Variants in CPNE4 observed in about 807,000 individuals in gnomAD.
The protein encoded by CPNE4 is copine-4.
A neutral mutation model predicts 67.9 loss-of-function variants in CPNE4; 25 were observed. The observed-to-expected ratio is 0.37, with a 90% CI of 0.27 to 0.51. The LOEUF is 0.51. CPNE4 is among the 20% of genes least tolerant of loss of function. The pLI, the probability that CPNE4 is intolerant of heterozygous loss-of-function variation, is 0.93. For missense variants in CPNE4, 464 were observed against 690.8 expected (o/e 0.67, Z 3.68); for synonymous variants, 242 against 244.9 (o/e 0.99, Z 0.11).
chr3:131,744,910 C>T (rs1231403361), intron 2 of CPNE4, among the ~76,000 whole-genome samples: 2 of 152,144 alleles, frequency 1.3e-5, no homozygotes, highest in Non-Finnish European at 2.9e-5. Flanking sequence ...TACAGATTTT[C>T]TTGTGATCAC....
At chr3:131,876,913 T>C (rs2087485229) in intron 2 of CPNE4, among the ~76,000 whole-genome samples, 1 of 152,024 alleles carries the variant, frequency 6.6e-6, no homozygotes, top group African/African-American at 2.4e-5. Context: ...CCAAAACCAT[T>C]CTAGTGCTAT....
chr3:131,584,218 C>A (rs1163400185), intron 8 of CPNE4, among the ~76,000 whole-genome samples: 2 of 152,100 alleles, frequency 1.3e-5, no homozygotes, highest in African/African-American at 4.8e-5. Flanking sequence ...TCCCCTCTCC[C>A]TAGGTGTACT....
intron 1 of CPNE4, among the ~76,000 whole-genome samples, chr3:131,916,636 C>A (rs2089193520): frequency 6.6e-6 from 1 of 152,118 alleles, no homozygotes; most frequent in African/African-American, 2.4e-5. Context: ...GGATAAAGAG[C>A]ACAATCTCTA....
intron 2 of CPNE4, among the ~76,000 whole-genome samples, chr3:131,783,341 C>A (rs956796007): frequency 1.3e-5 from 2 of 152,030 alleles, no homozygotes; most frequent in Non-Finnish European, 2.9e-5. Flanking sequence ...GTCTGAGCTC[C>A]CCTTCTGTGT....
chr3:131,603,372 G>C (rs1400688293), intron 7 of CPNE4, among the ~76,000 whole-genome samples: 1 of 152,118 alleles, frequency 6.6e-6, no homozygotes, highest in Non-Finnish European at 1.5e-5. Context: ...AAAAATTAAA[G>C]TGGGCACCTA....
intron 1 of CPNE4, among the ~76,000 whole-genome samples, chr3:132,012,173 GTT>G (rs10663165): frequency 7.3e-5 from 10 of 136,150 alleles, no homozygotes; most frequent in Non-Finnish European, 1.1e-4. Context: ...TTGCTTTTTC[GTT>G]TTTTTTTTTT....
intron 2 of CPNE4, among the ~76,000 whole-genome samples, chr3:131,893,480 A>T (rs1332366736): frequency 6.6e-6 from 1 of 152,074 alleles, no homozygotes; most frequent in African/African-American, 2.4e-5. Context: ...AATGGACCTA[A>T]CAGACATTTG....
At chr3:131,952,364 C>T (rs1451292283) in intron 1 of CPNE4, among the ~76,000 whole-genome samples, 12 of 148,808 alleles carry the variant, frequency 8.1e-5, no homozygotes, top group East Asian at 2.1e-4. Context: ...CCCCTCCGCC[C>T]GGCAGCCGCC....
intron 2 of CPNE4, among the ~76,000 whole-genome samples, chr3:131,790,115 GC>G (rs1203368035): frequency 6.6e-6 from 1 of 152,058 alleles, no homozygotes; most frequent in Non-Finnish European, 1.5e-5. Context: ...ATTTCAGGCA[GC>G]CTGGCAGTAT....
intron 2 of CPNE4, among the ~76,000 whole-genome samples, chr3:131,835,940 G>T (rs1583294992): frequency 6.6e-6 from 1 of 152,136 alleles, no homozygotes; most frequent in Non-Finnish European, 1.5e-5. Context: ...AGTTGGAGAG[G>T]ATTACTAAGA....
At chr3:131,608,529 A>G (rs188991446) in intron 7 of CPNE4, among the ~76,000 whole-genome samples, 1 of 152,266 alleles carries the variant, frequency 6.6e-6, no homozygotes, top group Non-Finnish European at 1.5e-5. Flanking sequence ...GAGAACCCAC[A>G]GTGTGCCTGG....
chr3:131,743,065 G>A (rs2107782283), intron 2 of CPNE4, among the ~76,000 whole-genome samples: 1 of 152,226 alleles, frequency 6.6e-6, no homozygotes, highest in East Asian at 1.9e-4. Context: ...AAATTTAGGA[G>A]GTGGTTCTTT....
At chr3:131,822,860 T>C (rs1358570490) in intron 2 of CPNE4, among the ~76,000 whole-genome samples, 4 of 152,294 alleles carry the variant, frequency 2.6e-5, no homozygotes, top group Admixed American at 6.5e-5. Context: ...ATTTTCTAGA[T>C]GGAATCTTGC....
chr3:132,005,314 C>CATATATAT (rs767282824), intron 1 of CPNE4, among the ~76,000 whole-genome samples: 60 of 81,674 alleles, frequency 7.3e-4, no homozygotes, highest in African/African-American at 2.3e-3. Flanking sequence ...GCCATTTTTA[C>CATATATAT]ATATATATAT....
chr3:131,784,394 C>T (rs1424696630), intron 2 of CPNE4, among the ~76,000 whole-genome samples: 1 of 152,058 alleles, frequency 6.6e-6, no homozygotes, highest in African/African-American at 2.4e-5. Context: ...CCCCAACCCA[C>T]CTCTGATTTC....
chr3:131,606,101 A>G (rs1201756562), intron 7 of CPNE4, among the ~76,000 whole-genome samples: 1 of 152,170 alleles, frequency 6.6e-6, no homozygotes, highest in Admixed American at 6.5e-5. Flanking sequence ...CTGAGGAGGA[A>G]AAGGCGCTTG....
intron 5 of CPNE4, 45 bp from the exon 6 acceptor site, chr3:131,686,003 G>C: frequency 3.8e-6 from 4 of 1,041,036 alleles, no homozygotes; most frequent in East Asian, 4.8e-5. Flanking sequence ...TCCTGCATTT[G>C]ATCTAGTCCT....
chr3:131,978,183 A>T (rs1284539502), intron 1 of CPNE4, among the ~76,000 whole-genome samples: 1 of 61,630 alleles, frequency 1.6e-5, no homozygotes, highest in African/African-American at 9.7e-5. Flanking sequence ...GTAAATATAT[A>T]TAATATATTT....
At chr3:131,734,651 C>T (rs969671293) in intron 2 of CPNE4, among the ~76,000 whole-genome samples, 2 of 152,108 alleles carry the variant, frequency 1.3e-5, no homozygotes, top group Admixed American at 6.5e-5. Context: ...TTTGGGAGGC[C>T]GAGGCAGCCA....
Sources: allele counts gnomAD v4.1 joint callset (sites outside exome capture counted in the v4.1 genomes callset), GRCh38; gene constraint gnomAD v4.1.1; transcripts MANE v1.5; gene names NCBI Gene and HGNC (gene_info 2026-07-23, HGNC 2026-07-21).